The following NEMF variants were observed in gnomAD, a reference collection of about 807,000 sequenced individuals.
The protein encoded by NEMF is nuclear export mediator factor.
Under a neutral mutation model 162.2 loss-of-function variants are expected in NEMF, and 89 were observed. The ratio of observed to expected loss-of-function variants is 0.55; its 90% CI spans 0.46 to 0.65. The LOEUF (loss-of-function observed/expected upper bound fraction) is 0.65, where lower values mean the gene tolerates loss of function less well. NEMF is among the 30% of genes least tolerant of loss of function. The probability of loss-of-function intolerance (pLI) is 0.00; values close to 1 mark genes in which losing one functional copy is unlikely to be tolerated. For synonymous variants in NEMF, 421 were observed against 404.5 expected, an observed-to-expected ratio of 1.04 and a Z score of -0.49; for missense variants, 1,133 against 1,261.9, an observed-to-expected ratio of 0.90 and a Z score of 1.55.
At chr14:49,825,181 C>T (rs1003986165) in intron 16 of NEMF, among the ~76,000 whole-genome samples, 1 of 152,108 alleles carries the variant, frequency 6.6e-6, no homozygotes, top group South Asian at 2.1e-4. Context: ...TATATGACTA[C>T]AATTTAAATA....
intron 15 of NEMF, among the ~76,000 whole-genome samples, chr14:49,827,512 A>C (rs1365671796): frequency 6.6e-6 from 1 of 152,144 alleles, no homozygotes; most frequent in Non-Finnish European, 1.5e-5. Context: ...AAAGGATCAC[A>C]ACGGGGCTAG....
intron 26 of NEMF, among the ~76,000 whole-genome samples, chr14:49,794,618 C>T (rs1257877026): frequency 2.6e-5 from 3 of 116,492 alleles, no homozygotes; most frequent in Admixed American, 9.6e-5. Flanking sequence ...GACCCTGTCT[C>T]TAAAAAAAAA....
rs758498401 is a variant in NEMF at position 49,825,932 on chromosome 14, T to C, written c.1512A>G (p.Lys504=). ...GAACTTCTTTTAATGTTTGCTTTGT[T>C]TTCTTTTCTGCTGACTTGAATGCCT... ...AEKAFKSAEK[K]TKQTLKEVQT... is the part of the protein sequence containing the mutation. The change falls in exon 16 of 33, where the codon AAA becomes AAG. Residue 504 remains lysine, a synonymous_variant. Coordinates refer to ENST00000298310, the MANE Select transcript of NEMF (RefSeq NM_004713.6). 235 of 1,611,370 alleles carry C rather than the reference T, an allele frequency of 1.5e-4. No individual in the cohort carries two copies. The Admixed American group carries it at 3.9e-3, about 27-fold the overall frequency.
chr14:49,850,616 G>A (rs1476637806), intron 3 of NEMF, among the ~76,000 whole-genome samples: 4 of 151,814 alleles, frequency 2.6e-5, no homozygotes, highest in Admixed American at 2.0e-4. Flanking sequence ...TAAAAGAATG[G>A]GTAGCATGCC....
intron 26 of NEMF, among the ~76,000 whole-genome samples, chr14:49,794,122 T>C (rs1394624771): frequency 6.6e-6 from 1 of 152,198 alleles, no homozygotes; most frequent in African/African-American, 2.4e-5. Flanking sequence ...TCTGTCTCAT[T>C]TTTTTCTGTC....
At chr14:49,844,081 A>G (rs1258658388) in intron 4 of NEMF, among the ~76,000 whole-genome samples, 3 of 151,790 alleles carry the variant, frequency 2.0e-5, no homozygotes, top group Non-Finnish European at 4.4e-5. Context: ...CCTGGGCAAC[A>G]AAGTGAGACT....
intron 23 of NEMF, 58 bp downstream of exon 23, chr14:49,800,362 T>G: frequency 4.2e-6 from 5 of 1,190,270 alleles, no homozygotes; most frequent in Non-Finnish European, 5.9e-6. Context: ...TTGTAAGGAT[T>G]ACCTCATCAT....
chr14:49,829,574 T>G, intron 11 of NEMF, 148 bp from the exon 12 acceptor site: 12 of 647,416 alleles, frequency 1.9e-5, no homozygotes, highest in Middle Eastern at 4.2e-4. Flanking sequence ...CCTAGGCCTA[T>G]CCCACTACAA....
intron 5 of NEMF, 117 bp from the exon 6 acceptor site, chr14:49,838,323 G>T: frequency 1.3e-6 from 1 of 751,016 alleles, no homozygotes; most frequent in Non-Finnish European, 2.2e-6. Context: ...AATCTGAAAC[G>T]TAACAGGAAT....
intron 7 of NEMF, 35 bp from the exon 8 acceptor site, chr14:49,833,531 C>A (rs1310304561): frequency 7.1e-7 from 1 of 1,402,570 alleles, no homozygotes. Flanking sequence ...AAAAGGAGTG[C>A]CAATCAAGTG....
chr14:49,783,344 G>A lies in NEMF; in HGVS notation c.*1292C>T, dbSNP rs1890003601. 1 of 148,268 alleles carries A rather than the reference G, an allele frequency of 6.7e-6. No homozygotes were observed. Among genetic ancestry groups the A allele is most frequent in the South Asian group, 2.2e-4 (1 of 4,464 alleles). The allele number at this position is 148,268 out of a possible 1,614,324, so 9.2% of individuals were successfully genotyped here. On this transcript the variant is annotated 3_prime_UTR_variant, in exon 33 of 33. Transcript: ENST00000298310. Reference sequence around the variant, plus strand: ...GAGTAGTCTATAGTTATGTAACCTAGTGTTGTAAATACAATATAATAAAGG... The same window carrying A: ...GAGTAGTCTATAGTTATGTAACCTAATGTTGTAAATACAATATAATAAAGG...
rs143606174 is a variant in NEMF at position 49,805,873 on chromosome 14, T to G, written c.1857+148A>C. ...TTTTAAAAACACTATTTTATGGCAC[T>G]TATTACCTGACATTATGTACATATT... On this transcript the variant is annotated intron_variant, in intron 19 of 32. Coordinates refer to ENST00000298310, the MANE Select transcript of NEMF (RefSeq NM_004713.6). 561 of 490,362 alleles carry G rather than the reference T, an allele frequency of 1.1e-3. 2 individuals are homozygous for G. The East Asian group carries it at 0.017, about 15-fold the overall frequency. 30.4% of individuals were successfully genotyped at this position (490,362 alleles called of 1,614,324 possible). A position where few individuals can be genotyped will look rare whatever the true frequency, so the allele number is the denominator to read the frequency against.
intron 16 of NEMF, among the ~76,000 whole-genome samples, chr14:49,822,114 T>A (rs1033452826): frequency 6.6e-6 from 1 of 151,934 alleles, no homozygotes; most frequent in African/African-American, 2.4e-5. Flanking sequence ...GAAGGCAGCA[T>A]GCTCGTTGAG....
At chr14:49,833,714 C>A (rs1402830043) in intron 7 of NEMF, among the ~76,000 whole-genome samples, 1 of 152,174 alleles carries the variant, frequency 6.6e-6, no homozygotes, top group Non-Finnish European at 1.5e-5. Context: ...AATCATCCAC[C>A]TTTCCCTCCA....
rs1214872787 is a variant in NEMF at position 49,821,477 on chromosome 14, G to A, written c.1577+4390C>T. On this transcript the variant is annotated intron_variant, in intron 16 of 32. Coordinates refer to ENST00000298310, the MANE Select transcript of NEMF (RefSeq NM_004713.6). ...AGGGAGGTGGGGGGGTCAGCCCCCCGCCCAGTCAGCCGCCCCGTCCAGGAG... is the reference window on the plus strand; with the variant it reads ...AGGGAGGTGGGGGGGTCAGCCCCCCACCCAGTCAGCCGCCCCGTCCAGGAG... Among the ~76,000 whole-genome samples the A allele has an allele frequency of 4.2e-4, 4 of 9,424 alleles. 2 individuals are homozygous for A. The highest frequency in any genetic ancestry group is 4.6e-4 in the African/African-American group (4 of 8,704). The allele number at this position is 9,424 out of a possible 152,430, so 6.2% of individuals were successfully genotyped here. A position where few individuals can be genotyped will look rare whatever the true frequency, so the allele number is the denominator to read the frequency against.
Position 49,782,188 on chromosome 14 carries a change from A to G in NEMF, c.*2448T>C, listed in dbSNP as rs1889935168. 5.6e-6 allele frequency: 3 copies of G among 538,502 alleles called. No individual in the cohort carries two copies. Among genetic ancestry groups the G allele is most frequent in the Admixed American group, 3.6e-5 (1 of 27,814 alleles). The allele number at this position is 538,502 out of a possible 1,614,324, so 33.4% of individuals were successfully genotyped here. ...ACCAGAGAGAGAAAATAATATCCAG[A>G]TAAAATAGATATTGATTGATCTGCT... On this transcript the variant is annotated 3_prime_UTR_variant, in exon 33 of 33. Transcript: ENST00000298310.
chr14:49,792,747 A>T (rs1890512264), intron 26 of NEMF, among the ~76,000 whole-genome samples: 1 of 152,212 alleles, frequency 6.6e-6, no homozygotes. Flanking sequence ...TTTGGATAAC[A>T]AGCAGGAGGA....
chr14:49,830,640 C>T (rs1170794755), intron 11 of NEMF, among the ~76,000 whole-genome samples: 1 of 152,274 alleles, frequency 6.6e-6, no homozygotes, highest in Non-Finnish European at 1.5e-5. Flanking sequence ...CCGCCTCGGC[C>T]TCCCAAAGTG....
intron 18 of NEMF, among the ~76,000 whole-genome samples, chr14:49,807,107 A>G (rs1283978723): frequency 6.6e-6 from 1 of 152,146 alleles, no homozygotes; most frequent in Admixed American, 6.6e-5. Context: ...GGTTTTGCCT[A>G]TTTTGGACAT....
Sources: gnomAD v4.1 joint callset for allele counts (sites outside exome capture counted in the v4.1 genomes callset) on GRCh38, gnomAD v4.1.1 for gene constraint, MANE v1.5 for transcripts, NCBI Gene and HGNC (gene_info 2026-07-23, HGNC 2026-07-21) for gene names.